Variants in GNAO1 observed in about 807,000 individuals in gnomAD.
GNAO1 encodes G protein subunit alpha o1, also known as guanine nucleotide-binding protein G(o) subunit alpha.
For missense variants in GNAO1, 166 were observed against 478.7 expected, an observed-to-expected ratio of 0.35 and a Z score of 6.10; for synonymous variants, 164 against 180.7, an observed-to-expected ratio of 0.91 and a Z score of 0.74.
chr16:56,350,511 C>T lies in GNAO1; in HGVS notation c.724-873C>T, dbSNP rs62035978. Among the ~76,000 whole-genome samples the T allele has an allele frequency of 2.4e-3, 365 of 152,320 alleles. 3 individuals carry two copies. The highest frequency in any genetic ancestry group is 3.5e-3 in the South Asian group (17 of 4,826). ...GTTTTTGCCCAGGGCAAGAGGCTGC[C>T]CCCGTTCGGCATCTGTGGGGCGCCC... On this transcript the variant is annotated intron_variant, in intron 6 of 8. Transcript: ENST00000262493.
chr16:56,247,444 A>T (rs962082114), intron 2 of GNAO1, among the ~76,000 whole-genome samples: 10 of 146,740 alleles, frequency 6.8e-5, no homozygotes, highest in Non-Finnish European at 1.3e-4. Flanking sequence ...TTTCTCTTGC[A>T]GTGTATCTGA....
chr16:56,278,566 G>T (rs548944918), intron 3 of GNAO1, among the ~76,000 whole-genome samples: 4 of 152,210 alleles, frequency 2.6e-5, no homozygotes, highest in Non-Finnish European at 5.9e-5. Flanking sequence ...ACCTGCTGGT[G>T]TGGGGGCAGC....
At chr16:56,199,141 A>G (rs1453961250) in intron 2 of GNAO1, among the ~76,000 whole-genome samples, 2 of 152,214 alleles carry the variant, frequency 1.3e-5, no homozygotes, top group Admixed American at 1.3e-4. Context: ...GATGTTCTCA[A>G]TATTAAAGCA....
intron 3 of GNAO1, among the ~76,000 whole-genome samples, chr16:56,289,040 G>GGA (rs2037203900): frequency 3.3e-5 from 5 of 152,102 alleles, no homozygotes; most frequent in Non-Finnish European, 5.9e-5. Context: ...AAAAGGGGGG[G>GGA]GGAGCGGAAA....
chr16:56,331,395 G>T (rs1412836222), intron 4 of GNAO1, among the ~76,000 whole-genome samples: 5 of 152,118 alleles, frequency 3.3e-5, no homozygotes, highest in Non-Finnish European at 7.4e-5. Flanking sequence ...GTCCATGCTG[G>T]CGTCCGACGT....
chr16:56,236,480 CT>C (rs1350752507), intron 2 of GNAO1, among the ~76,000 whole-genome samples: 4 of 152,170 alleles, frequency 2.6e-5, no homozygotes, highest in Non-Finnish European at 5.9e-5. Flanking sequence ...CCAGGTATGA[CT>C]TCCAGATAGG....
intron 2 of GNAO1, among the ~76,000 whole-genome samples, chr16:56,274,490 G>A (rs762866440): frequency 2.0e-5 from 3 of 151,930 alleles, no homozygotes; most frequent in Non-Finnish European, 4.4e-5. Flanking sequence ...CCAGCACCAA[G>A]TGGAATTTGC....
At chr16:56,321,369 C>G (rs796538079) in intron 3 of GNAO1, among the ~76,000 whole-genome samples, 15 of 152,344 alleles carry the variant, frequency 9.8e-5, no homozygotes, top group African/African-American at 3.6e-4. Flanking sequence ...GTGCCTCCCT[C>G]TCAGCTCTGC....
intron 2 of GNAO1, among the ~76,000 whole-genome samples, chr16:56,212,378 T>C (rs2036397645): frequency 6.6e-6 from 1 of 152,208 alleles, no homozygotes; most frequent in Non-Finnish European, 1.5e-5. Flanking sequence ...CCACCCGCAA[T>C]GGTCCTGGAA....
intron 2 of GNAO1, among the ~76,000 whole-genome samples, chr16:56,219,467 T>C (rs1199262758): frequency 6.6e-6 from 1 of 152,196 alleles, no homozygotes; most frequent in South Asian, 2.1e-4. Context: ...GGGGGAGTCC[T>C]TAGTTTGTCA....
intron 3 of GNAO1, among the ~76,000 whole-genome samples, chr16:56,316,431 G>C (rs2143618829): frequency 1.3e-5 from 2 of 152,300 alleles, no homozygotes; most frequent in Middle Eastern, 6.8e-3. Flanking sequence ...AGCCATCTGT[G>C]TGCCCACAGG....
At chr16:56,293,753 T>C (rs2037255910) in intron 3 of GNAO1, among the ~76,000 whole-genome samples, 1 of 151,968 alleles carries the variant, frequency 6.6e-6, no homozygotes. Context: ...TGATATCAGG[T>C]TGGGGAAAGC....
At position 56,250,869 on chromosome 16, in the gene GNAO1, T is replaced by C. The variant is rs371655843; in HGVS notation, c.162-25062T>C. Among the ~76,000 whole-genome samples the C allele has an allele frequency of 4.1e-4, 63 of 152,370 alleles. No individual in the cohort carries two copies. The South Asian group carries it at 9.7e-3, about 24-fold the overall frequency. On this transcript the variant is annotated intron_variant, in intron 2 of 8. Coordinates refer to ENST00000262493, the MANE Select transcript of GNAO1 (RefSeq NM_020988.3). Reference sequence around the variant, plus strand: ...TTCTGATTGACTTATGTTCCATCCCTGAACCAACCATTGTGGTTTTGGGGA... The same window carrying C: ...TTCTGATTGACTTATGTTCCATCCCCGAACCAACCATTGTGGTTTTGGGGA...
At chr16:56,308,496 T>G (rs1479502636) in intron 3 of GNAO1, among the ~76,000 whole-genome samples, 4 of 152,156 alleles carry the variant, frequency 2.6e-5, no homozygotes, top group Non-Finnish European at 5.9e-5. Flanking sequence ...GGAGTCTAAC[T>G]GGGGACACAT....
chr16:56,258,293 T>G (rs1391914795), intron 2 of GNAO1, among the ~76,000 whole-genome samples: 1 of 152,212 alleles, frequency 6.6e-6, no homozygotes, highest in Non-Finnish European at 1.5e-5. Context: ...AAGTAGTCAG[T>G]TAACCTCCCT....
intron 3 of GNAO1, 37 bp from the exon 4 acceptor site, chr16:56,328,594 C>T (rs1005223847): frequency 1.9e-6 from 3 of 1,604,622 alleles, no homozygotes; most frequent in African/African-American, 2.7e-5. Flanking sequence ...CTGTCCCCAC[C>T]AAAGCGTCAA....
chr16:56,211,353 G>A (rs888424559), intron 2 of GNAO1, among the ~76,000 whole-genome samples: 1 of 152,284 alleles, frequency 6.6e-6, no homozygotes, highest in Admixed American at 6.5e-5. Context: ...GCTCTATCAA[G>A]CATACACCAG....
intron 2 of GNAO1, chr16:56,193,031 C>T (rs1204250786): frequency 1.2e-5 from 2 of 172,758 alleles, no homozygotes; most frequent in Admixed American, 1.1e-4. Context: ...CCTCCCTATC[C>T]CCCAAGGTCC....
chr16:56,205,855 G>C (rs77137907), intron 2 of GNAO1, among the ~76,000 whole-genome samples: 6,637 of 152,182 alleles, frequency 0.044, 325 homozygotes, highest in African/African-American at 0.11. Context: ...GAGGAAACTG[G>C]GATTAAATAA....
Sources: gnomAD v4.1 joint callset for allele counts (sites outside exome capture counted in the v4.1 genomes callset) on GRCh38, gnomAD v4.1.1 for gene constraint, MANE v1.5 for transcripts, NCBI Gene and HGNC (gene_info 2026-07-23, HGNC 2026-07-21) for gene names.